The following CNTN5 variants were observed in gnomAD, a reference collection of about 807,000 sequenced individuals.
The protein encoded by CNTN5 is contactin 5.
A neutral mutation model predicts 129.1 loss-of-function variants in CNTN5; 77 were observed. The observed-to-expected ratio is 0.60, with a 90% confidence interval of 0.50 to 0.72. The LOEUF (loss-of-function observed/expected upper bound fraction) is 0.72. CNTN5 is among the 30% of genes least tolerant of loss of function. The pLI is 0.00. For missense variants in CNTN5, 1,478 were observed against 1,328.8 expected (o/e 1.11, Z -1.75); for synonymous variants, 509 against 465.6 (o/e 1.09, Z -1.20).
At chr11:99,929,574 T>C (rs571544530) in intron 7 of CNTN5, among the ~76,000 whole-genome samples, 1 of 152,252 alleles carries the variant, frequency 6.6e-6, no homozygotes, top group East Asian at 1.9e-4. Flanking sequence ...GAAGGAAACA[T>C]GTCCTTCTTC....
At chr11:99,120,138 T>G (rs1486668469) in intron 1 of CNTN5, 1 of 152,192 alleles carries the variant, frequency 6.6e-6, no homozygotes, top group Non-Finnish European at 1.5e-5. Flanking sequence ...TAGATCCAAT[T>G]TGTCAATTTT....
intron 2 of CNTN5, among the ~76,000 whole-genome samples, chr11:99,505,497 A>G (rs1946585585): frequency 6.6e-6 from 1 of 152,186 alleles, no homozygotes; most frequent in Non-Finnish European, 1.5e-5. Context: ...TTTTCAACAT[A>G]ACTTTTGAAT....
intron 15 of CNTN5, among the ~76,000 whole-genome samples, chr11:100,204,315 T>TATATAC (rs1948865267): frequency 1.0e-5 from 1 of 95,990 alleles, no homozygotes; most frequent in Non-Finnish European, 2.2e-5. Context: ...TATATATATA[T>TATATAC]ATATATATAT....
chr11:100,335,767 C>CA (rs61237596), intron 21 of CNTN5, among the ~76,000 whole-genome samples: 37,846 of 141,282 alleles, frequency 0.27, 5,528 homozygotes, highest in East Asian at 0.66. Context: ...GACTCCATCT[C>CA]AAAAAAAAAA....
At chr11:99,526,070 T>C (rs148645417) in intron 2 of CNTN5, among the ~76,000 whole-genome samples, 10 of 152,338 alleles carry the variant, frequency 6.6e-5, no homozygotes, top group African/African-American at 2.2e-4. Context: ...GATTTGTGAG[T>C]AAAACAGATA....
At chr11:99,330,318 T>TA (rs1865950234) in intron 2 of CNTN5, among the ~76,000 whole-genome samples, 1 of 151,110 alleles carries the variant, frequency 6.6e-6, no homozygotes, top group African/African-American at 2.4e-5. Flanking sequence ...GAAGAAAATA[T>TA]AGATTTGGCC....
chr11:99,898,905 C>A (rs999496680), intron 6 of CNTN5, among the ~76,000 whole-genome samples: 2 of 151,910 alleles, frequency 1.3e-5, no homozygotes, highest in African/African-American at 2.4e-5. Context: ...TCAAGATCAA[C>A]GTAAAGTTGC....
At chr11:100,052,476 A>G (rs148140919) in intron 9 of CNTN5, among the ~76,000 whole-genome samples, 8 of 151,926 alleles carry the variant, frequency 5.3e-5, no homozygotes, top group South Asian at 2.1e-4. Flanking sequence ...AAACCCTAAA[A>G]TTAATATTTA....
intron 3 of CNTN5, among the ~76,000 whole-genome samples, chr11:99,727,321 A>AAAAAAAAAAAAAAAAAAAAAAAAAG (rs1319837016): frequency 8.1e-6 from 1 of 123,414 alleles, no homozygotes; most frequent in Non-Finnish European, 1.7e-5. Flanking sequence ...TCAAAAAAAA[A>AAAAAAAAAAAAAAAAAAAAAAAAAG]AAAAAAAAAA....
chr11:100,091,056 T>G (rs558384754), intron 13 of CNTN5, among the ~76,000 whole-genome samples: 6 of 152,270 alleles, frequency 3.9e-5, no homozygotes, highest in Admixed American at 1.3e-4. Flanking sequence ...CTACGACACA[T>G]GAGACTCTGC....
At chr11:99,891,472 C>T (rs1003078728) in intron 6 of CNTN5, among the ~76,000 whole-genome samples, 2 of 151,946 alleles carry the variant, frequency 1.3e-5, no homozygotes, top group Admixed American at 6.6e-5. Context: ...TAATGCTATG[C>T]CTCCCCTAGG....
intron 13 of CNTN5, among the ~76,000 whole-genome samples, chr11:100,123,799 A>G (rs1031067465): frequency 1.3e-5 from 2 of 152,062 alleles, no homozygotes; most frequent in Non-Finnish European, 2.9e-5. Context: ...TAAAAATATT[A>G]CTATAAAATT....
intron 1 of CNTN5, among the ~76,000 whole-genome samples, chr11:99,278,501 G>A (rs911105777): frequency 6.6e-5 from 10 of 151,610 alleles, no homozygotes; most frequent in Admixed American, 2.0e-4. Context: ...TTGAGATTAA[G>A]TTTGGTATAA....
At chr11:99,981,605 C>A (rs965830189) in intron 8 of CNTN5, among the ~76,000 whole-genome samples, 1 of 152,094 alleles carries the variant, frequency 6.6e-6, no homozygotes, top group Non-Finnish European at 1.5e-5. Flanking sequence ...CGTATCCAGT[C>A]AAGTTGACAC....
chr11:99,841,395 G>A (rs1158265353), intron 4 of CNTN5, among the ~76,000 whole-genome samples: 1 of 152,110 alleles, frequency 6.6e-6, no homozygotes, highest in Non-Finnish European at 1.5e-5. Flanking sequence ...TGGAACCAGA[G>A]AATCTTAAAA....
At position 99,655,986 on chromosome 11, in the gene CNTN5, A is replaced by G. The variant is rs114439013; in HGVS notation, c.55+99717A>G. Among the ~76,000 whole-genome samples, 531 of 152,138 alleles carry G rather than the reference A, an allele frequency of 3.5e-3. 6 individuals are homozygous for G. The highest frequency in any genetic ancestry group is 0.012 in the African/African-American group (512 of 41,510). On this transcript the variant is annotated intron_variant, in intron 3 of 24. Transcript: ENST00000524871. ...TATATACACATATATGCATGTGTGT[A>G]TATATATGTGTTTCTGTATTGTAGC...
At chr11:99,761,599 C>A (rs988709759) in intron 3 of CNTN5, among the ~76,000 whole-genome samples, 6 of 151,966 alleles carry the variant, frequency 3.9e-5, no homozygotes, top group Non-Finnish European at 8.8e-5. Context: ...ATGAACTCAT[C>A]CTTTTTTATG....
chr11:99,032,650 G>A (rs1214423001), intron 1 of CNTN5, among the ~76,000 whole-genome samples: 1 of 151,964 alleles, frequency 6.6e-6, no homozygotes, highest in African/African-American at 2.4e-5. Flanking sequence ...TGAGTTCACT[G>A]TAGATTCTGG....
chr11:99,402,950 C>G (rs1027850893), intron 2 of CNTN5, among the ~76,000 whole-genome samples: 1 of 151,304 alleles, frequency 6.6e-6, no homozygotes, highest in Non-Finnish European at 1.5e-5. Flanking sequence ...TTATTCTAAT[C>G]TTTCCTTTTT....
Sources: allele counts gnomAD v4.1 joint callset (sites outside exome capture counted in the v4.1 genomes callset), GRCh38; gene constraint gnomAD v4.1.1; transcripts MANE v1.5; gene names NCBI Gene and HGNC (gene_info 2026-07-23, HGNC 2026-07-21).